NEDD4: variants seen among roughly 807,000 people sequenced by gnomAD.
NEDD4 encodes the protein E3 ubiquitin-protein ligase NEDD4.
Under a neutral mutation model 144.9 loss-of-function variants are expected in NEDD4, and 99 were observed. The ratio of observed to expected loss-of-function variants is 0.68; its 90% confidence interval spans 0.58 to 0.81. The LOEUF (loss-of-function observed/expected upper bound fraction) is 0.81, where lower values mean the gene tolerates loss of function less well. NEDD4 is among the 30% of genes least tolerant of loss of function. The probability of loss-of-function intolerance (pLI) is 0.00; values close to 1 mark genes in which losing one functional copy is unlikely to be tolerated. For synonymous variants in NEDD4, 318 were observed against 350.6 expected, an observed-to-expected ratio of 0.91 and a Z score of 1.04; for missense variants, 985 against 1,065.9, an observed-to-expected ratio of 0.92 and a Z score of 1.06.
intron 4 of NEDD4, among the ~76,000 whole-genome samples, chr15:55,950,453 T>C (rs1302194645): frequency 6.6e-6 from 1 of 152,262 alleles, no homozygotes; most frequent in East Asian, 1.9e-4. Context: ...GAACGGCTTC[T>C]GTTTTCCTTA....
At chr15:55,839,594 C>T (rs776469476) in intron 21 of NEDD4, among the ~76,000 whole-genome samples, 8 of 152,146 alleles carry the variant, frequency 5.3e-5, no homozygotes, top group Non-Finnish European at 1.0e-4. Context: ...GGAAACAACA[C>T]GGCTACAGTC....
intron 2 of NEDD4, among the ~76,000 whole-genome samples, chr15:55,963,162 C>A (rs1165161336): frequency 4.9e-5 from 7 of 141,458 alleles, no homozygotes; most frequent in Non-Finnish European, 1.1e-4. Context: ...GACAGGGTCT[C>A]ACTCTGTCGC....
intron 4 of NEDD4, among the ~76,000 whole-genome samples, chr15:55,939,437 A>C (rs2036955621): frequency 6.6e-6 from 1 of 152,106 alleles, no homozygotes; most frequent in Non-Finnish European, 1.5e-5. Flanking sequence ...AGTCAGTTAA[A>C]CCTCCTTTGT....
chr15:55,988,649 C>G (rs1368259747), intron 1 of NEDD4, among the ~76,000 whole-genome samples: 1 of 152,058 alleles, frequency 6.6e-6, no homozygotes, highest in Non-Finnish European at 1.5e-5. Context: ...TGGATGGTAT[C>G]TGTGGATTGA....
At chr15:55,985,063 A>G (rs2037867850) in intron 1 of NEDD4, among the ~76,000 whole-genome samples, 2 of 152,240 alleles carry the variant, frequency 1.3e-5, no homozygotes, top group Non-Finnish European at 2.9e-5. Flanking sequence ...TTAATTATGC[A>G]AGATTCACCA....
At chr15:55,885,495 A>G (rs2035353407) in intron 5 of NEDD4, among the ~76,000 whole-genome samples, 1 of 152,150 alleles carries the variant, frequency 6.6e-6, no homozygotes, top group South Asian at 2.1e-4. Context: ...ACCTATAACA[A>G]CTTTTTAAGA....
At chr15:55,836,037 A>G (rs544195207) in intron 24 of NEDD4, among the ~76,000 whole-genome samples, 4 of 152,050 alleles carry the variant, frequency 2.6e-5, no homozygotes, top group Non-Finnish European at 4.4e-5. Context: ...AGCATACTCA[A>G]CTGCCTGTGG....
chr15:55,864,678 G>A (rs1218415796), intron 8 of NEDD4, among the ~76,000 whole-genome samples: 19 of 113,056 alleles, frequency 1.7e-4, no homozygotes, highest in African/African-American at 6.2e-4. Context: ...GTGAAACTCT[G>A]TCTCATAAGA....
At chr15:55,872,085 G>T (rs529513103) in intron 7 of NEDD4, among the ~76,000 whole-genome samples, 1 of 152,102 alleles carries the variant, frequency 6.6e-6, no homozygotes, top group South Asian at 2.1e-4. Flanking sequence ...TTAGGTAATG[G>T]TTTTAGATGA....
intron 1 of NEDD4, among the ~76,000 whole-genome samples, chr15:55,971,306 G>A (rs967734777): frequency 6.6e-6 from 1 of 152,100 alleles, no homozygotes; most frequent in African/African-American, 2.4e-5. Context: ...ACAGGATCTA[G>A]AAAATAGCCT....
In NEDD4 at chr15:55,874,002, C is replaced by A; in HGVS notation, c.298G>T (p.Asp100Tyr). ...EVFDENRLTR[D>Y]DFLGQVDVPL... Reference sequence around the variant, plus strand: ...ACATCCACTTGACCTAGGAAATCATCTCTTGTCTATAAGAGAAGGAAGAAA... The same window carrying A: ...ACATCCACTTGACCTAGGAAATCATATCTTGTCTATAAGAGAAGGAAGAAA... Residue 100 changes from aspartate to tyrosine, a missense_variant, in exon 6 of 29, where the codon GAT becomes TAT. Physicochemically the swap from Asp to Tyr is radical, Grantham distance 160. Transcript: ENST00000435532. 1 of 1,529,042 alleles carries A rather than the reference C, an allele frequency of 6.5e-7. No individual in the cohort carries two copies. The highest frequency in any genetic ancestry group is 8.9e-7 in the Non-Finnish European group (1 of 1,127,708). The allele number at this position is 1,529,042 out of a possible 1,614,324, so 94.7% of individuals were successfully genotyped here.
chr15:55,949,951 TA>T (rs1164462585), intron 4 of NEDD4, among the ~76,000 whole-genome samples: 61 of 139,306 alleles, frequency 4.4e-4, no homozygotes, highest in Admixed American at 9.3e-4. Flanking sequence ...AAAGTATAAT[TA>T]AAAAAAAAAA....
At chr15:55,884,356 T>A (rs574055222) in intron 5 of NEDD4, among the ~76,000 whole-genome samples, 2 of 152,152 alleles carry the variant, frequency 1.3e-5, no homozygotes, top group Non-Finnish European at 2.9e-5. Context: ...GTGAAGACTA[T>A]AATAAATACC....
intron 12 of NEDD4, among the ~76,000 whole-genome samples, chr15:55,855,304 G>A (rs1176853900): frequency 6.6e-6 from 1 of 152,114 alleles, no homozygotes; most frequent in Admixed American, 6.6e-5. Context: ...AGATGGTTGG[G>A]GAAGAAAATG....
chr15:55,916,680 A>T (rs747744115), intron 5 of NEDD4: 25 of 1,613,958 alleles, frequency 1.5e-5, no homozygotes, highest in Non-Finnish European at 2.0e-5. Flanking sequence ...TCTGGGAGTC[A>T]GCTTCATTTG....
intron 5 of NEDD4, among the ~76,000 whole-genome samples, chr15:55,884,834 A>C (rs2035329182): frequency 6.6e-6 from 1 of 152,190 alleles, no homozygotes; most frequent in African/African-American, 2.4e-5. Flanking sequence ...GGCAAATCGA[A>C]GAGGTATTGT....
At position 55,829,497 on chromosome 15, in the gene NEDD4, T is replaced by C. The variant is rs1285044588; in HGVS notation, c.*400A>G. ...CATCAAACTTTTCACACATGACACG[T>C]ATCACAAATATTTCACAGTTATCAT... On this transcript the variant is annotated 3_prime_UTR_variant, in exon 29 of 29. Coordinates refer to ENST00000435532, the MANE Select transcript of NEDD4 (RefSeq NM_006154.4). 6.4e-6 allele frequency: 1 copy of C among 156,564 alleles called. No homozygotes were observed. The highest frequency in any genetic ancestry group is 1.4e-5 in the Non-Finnish European group (1 of 70,502). The allele number at this position is 156,564 out of a possible 1,614,324, so 9.7% of individuals were successfully genotyped here.
chr15:55,913,911 C>T (rs1483585484), intron 5 of NEDD4, among the ~76,000 whole-genome samples: 2 of 151,990 alleles, frequency 1.3e-5, no homozygotes, highest in Admixed American at 6.6e-5. Flanking sequence ...AACTAGCATA[C>T]TATTAACGTT....
chr15:55,853,803 A>G (rs1363654911), intron 12 of NEDD4, among the ~76,000 whole-genome samples: 1 of 152,190 alleles, frequency 6.6e-6, no homozygotes, highest in African/African-American at 2.4e-5. Flanking sequence ...AGCCTGGCCA[A>G]CATGGTGAAA....
Sources: allele counts gnomAD v4.1 joint callset (sites outside exome capture counted in the v4.1 genomes callset), GRCh38; gene constraint gnomAD v4.1.1; transcripts MANE v1.5; gene names NCBI Gene and HGNC (gene_info 2026-07-23, HGNC 2026-07-21).